Variants in PPP3CB observed in about 807,000 individuals in gnomAD.
PPP3CB encodes serine/threonine-protein phosphatase 2B catalytic subunit beta isoform.
In PPP3CB, 8 loss-of-function variants were observed where a neutral mutation model predicts 66.4. The ratio of observed to expected loss-of-function variants is 0.12; its 90% confidence interval spans 0.07 to 0.22. The LOEUF is 0.22. Among genes scored for constraint, PPP3CB ranks in the 10% least tolerant of loss-of-function variants. The pLI, the probability that PPP3CB is intolerant of heterozygous loss-of-function variation, is 1.00. For synonymous variants in PPP3CB, 208 were observed against 221.2 expected (o/e 0.94, Z 0.53); for missense variants, 319 against 642.5 (o/e 0.50, Z 5.44).
chr10:73,459,329 T>C (rs191446692), intron 9 of PPP3CB, among the ~76,000 whole-genome samples: 3 of 151,016 alleles, frequency 2.0e-5, no homozygotes, highest in Admixed American at 1.3e-4. Context: ...CTACTAAAAA[T>C]ATAAAAATTA....
chr10:73,494,855 A>G (rs2057155189), intron 1 of PPP3CB, among the ~76,000 whole-genome samples: 1 of 152,218 alleles, frequency 6.6e-6, no homozygotes, highest in Non-Finnish European at 1.5e-5. Flanking sequence ...TTTATCAATC[A>G]AGCTACATGG....
intron 10 of PPP3CB, among the ~76,000 whole-genome samples, chr10:73,454,139 CT>C (rs2056387986): frequency 1.3e-5 from 2 of 152,106 alleles, no homozygotes; most frequent in African/African-American, 4.8e-5. Context: ...GAACTACATC[CT>C]TTTAACACTT....
intron 9 of PPP3CB, among the ~76,000 whole-genome samples, chr10:73,465,967 G>A (rs1369080332): frequency 6.6e-6 from 1 of 152,118 alleles, no homozygotes; most frequent in Non-Finnish European, 1.5e-5. Flanking sequence ...CAACAAAAAT[G>A]GTCAAAAAGT....
At chr10:73,446,407 G>T in intron 11 of PPP3CB, 85 bp downstream of exon 11, 1 of 1,319,926 alleles carries the variant, frequency 7.6e-7, no homozygotes, top group Non-Finnish European at 1.1e-6. Flanking sequence ...GCCCCATTTT[G>T]CTTTTAGATG....
At chr10:73,487,564 C>CAAAAAAAAAAAAAAAAA (rs746889105) in intron 1 of PPP3CB, among the ~76,000 whole-genome samples, 5 of 65,208 alleles carry the variant, frequency 7.7e-5, no homozygotes, top group African/African-American at 1.8e-4. Context: ...AAACCAAAAC[C>CAAAAAAAAAAAAAAAAA]AAAAAAAAAA....
At chr10:73,454,524 CAT>C in intron 9 of PPP3CB, 35 bp from the exon 10 acceptor site, 2 of 1,447,178 alleles carry the variant, frequency 1.4e-6, no homozygotes, top group Non-Finnish European at 1.9e-6. Flanking sequence ...GTTAGCTGAC[CAT>C]ATATAACTGT....
At chr10:73,448,580 TCA>T in intron 10 of PPP3CB, 1 of 529,518 alleles carries the variant, frequency 1.9e-6, no homozygotes, top group South Asian at 1.4e-5. Flanking sequence ...TAGACATTAC[TCA>T]ATGAATGTGC....
intron 3 of PPP3CB, among the ~76,000 whole-genome samples, chr10:73,478,146 G>C (rs1029678033): frequency 6.6e-6 from 1 of 152,136 alleles, no homozygotes; most frequent in African/African-American, 2.4e-5. Flanking sequence ...TAATCAGACA[G>C]AATTCAAGTA....
At chr10:73,463,672 T>C (rs1012604199) in intron 9 of PPP3CB, among the ~76,000 whole-genome samples, 2 of 152,220 alleles carry the variant, frequency 1.3e-5, no homozygotes, top group Non-Finnish European at 2.9e-5. Flanking sequence ...AGACGGAGTC[T>C]CACTCTGTCA....
Position 73,471,094 on chromosome 10 carries a change from A to G in PPP3CB, c.785T>C (p.Val262Ala). Reference protein sequence around the residue: ...KSQEHFSHNTVRGCSYFYNYP... With the variant: ...KSQEHFSHNTARGCSYFYNYP... Reference sequence around the variant, plus strand: ...CTTATAAAAATAAGAACATCCTCGAACTGTATTGTGACTAAAATGTTCCTG... The same window carrying G: ...CTTATAAAAATAAGAACATCCTCGAGCTGTATTGTGACTAAAATGTTCCTG... The change falls in exon 6 of 14, where the codon GTT becomes GCT. Residue 262 changes from valine (V) to alanine (A), a missense_variant. Physicochemically the swap from Val to Ala is moderately conservative, Grantham distance 64. Around this residue, in one of 5 missense-constraint regions of PPP3CB, gnomAD observed 120 missense variants for 331.2 expected, o/e 0.36. Transcript: ENST00000360663. 6.2e-7 allele frequency: 1 copy of G among 1,610,778 alleles called. No individual in the cohort carries two copies. The highest frequency in any genetic ancestry group is 1.1e-5 in the South Asian group (1 of 90,894).
rs1468721617 is a variant in PPP3CB, at chr10:73,475,048, T to G, written c.412-18A>C. ...AAGACACACTGCAAAAGAAAATTTT[T>G]CTAGTGAATTTATCTTGTACTTTTG... On this transcript the variant is annotated intron_variant, in intron 3 of 13. Coordinates refer to ENST00000360663, the MANE Select transcript of PPP3CB (RefSeq NM_021132.4). 1 of 1,607,576 alleles carries G rather than the reference T, an allele frequency of 6.2e-7. No homozygotes were observed. Among genetic ancestry groups the G allele is most frequent in the South Asian group, 1.1e-5 (1 of 89,642 alleles).
chr10:73,443,061 G>A (rs977462813), intron 12 of PPP3CB, among the ~76,000 whole-genome samples: 1 of 151,398 alleles, frequency 6.6e-6, no homozygotes, highest in Admixed American at 6.6e-5. Context: ...TTAGCTGGCT[G>A]TGGTGGCATG....
intron 9 of PPP3CB, among the ~76,000 whole-genome samples, chr10:73,462,985 A>G (rs1267639314): frequency 3.3e-5 from 5 of 151,194 alleles, no homozygotes; most frequent in Admixed American, 3.3e-4. Flanking sequence ...AAAAGGAAGA[A>G]AATGACATAC....
chr10:73,464,207 C>T (rs2056579124), intron 9 of PPP3CB, among the ~76,000 whole-genome samples: 1 of 152,134 alleles, frequency 6.6e-6, no homozygotes, highest in African/African-American at 2.4e-5. Context: ...GGATTACAGG[C>T]ATGAGCCACC....
rs762423389 is a variant in PPP3CB, at chr10:73,479,424, A to C, written c.179T>G (p.Val60Gly). ...PRVDVLKNHL[V>G]KEGRVDEEIA... ...TTCTTCATCTACTCGACCTTCTTTC[A>C]CCAAGTGGTTCTTCAGAACATCAAC... Residue 60 changes from valine (V) to glycine (G), a missense_variant, in exon 2 of 14, where the codon GTG (valine) becomes GGG (glycine). By Grantham distance (109) the Val-to-Gly change is moderately radical. This residue lies in a region of PPP3CB where 104 missense variants were observed against 128.4 expected (regional missense o/e 0.81). Coordinates refer to ENST00000360663, the MANE Select transcript of PPP3CB (RefSeq NM_021132.4). 8 of 1,614,134 alleles carry C rather than the reference A, an allele frequency of 5.0e-6. No homozygotes were observed. The highest frequency in any genetic ancestry group is 6.8e-6 in the Non-Finnish European group (8 of 1,179,986).
intron 1 of PPP3CB, among the ~76,000 whole-genome samples, chr10:73,494,756 G>A (rs2057150794): frequency 6.6e-6 from 1 of 152,082 alleles, no homozygotes; most frequent in African/African-American, 2.4e-5. Flanking sequence ...CTGTGCCAGT[G>A]TATTTGAGAA....
intron 3 of PPP3CB, among the ~76,000 whole-genome samples, chr10:73,477,537 TATG>T (rs1304780342): frequency 6.6e-6 from 1 of 152,196 alleles, no homozygotes; most frequent in Non-Finnish European, 1.5e-5. Flanking sequence ...AATATTATAA[TATG>T]ATCCCCTTTT....
At chr10:73,463,930 C>T (rs1485198953) in intron 9 of PPP3CB, among the ~76,000 whole-genome samples, 3 of 150,798 alleles carry the variant, frequency 2.0e-5, no homozygotes, top group Admixed American at 6.6e-5. Flanking sequence ...CCACTGCGCC[C>T]GGCCTCTCCT....
chr10:73,456,095 C>T (rs1490016591), intron 9 of PPP3CB, among the ~76,000 whole-genome samples: 1 of 152,168 alleles, frequency 6.6e-6, no homozygotes, highest in Non-Finnish European at 1.5e-5. Flanking sequence ...ATATTAGCAC[C>T]TAGATGTCCT....
Sources: allele counts gnomAD v4.1 joint callset (sites outside exome capture counted in the v4.1 genomes callset), GRCh38; gene constraint gnomAD v4.1.1; regional missense constraint gnomAD v4.1.1; transcripts MANE v1.5; gene names NCBI Gene and HGNC (gene_info 2026-07-23, HGNC 2026-07-21).